TOPORS: variants seen among roughly 807,000 people sequenced by gnomAD.
The protein encoded by TOPORS is TOP1 binding arginine/serine rich protein, E3 ubiquitin ligase, also known as E3 ubiquitin-protein ligase Topors.
TOPORS carries 25 observed loss-of-function variants against 81.4 expected under a neutral mutation model. That is an observed-to-expected ratio of 0.31 (90% CI 0.22 to 0.43). TOPORS has a LOEUF of 0.43. Among genes scored for constraint, TOPORS ranks in the 20% least tolerant of loss-of-function variants. The pLI is 1.00. For missense variants in TOPORS, 1,101 were observed against 1,267.0 expected, an observed-to-expected ratio of 0.87 and a Z score of 1.99; for synonymous variants, 473 against 456.6, an observed-to-expected ratio of 1.04 and a Z score of -0.46.
Position 32,541,752 on chromosome 9 carries a change from C to T in TOPORS, c.2773G>A (p.Glu925Lys). 4.3e-6 allele frequency: 7 copies of T among 1,614,220 alleles called. No homozygotes were observed. The highest frequency in any genetic ancestry group is 5.9e-6 in the Non-Finnish European group (7 of 1,180,040). The change falls in exon 3 of 3, where the codon GAA (glutamate) becomes AAA (lysine). Residue 925 changes from glutamate (E) to lysine (K), a missense_variant. Glu to Lys is a moderately conservative substitution (Grantham distance 56). Transcript: ENST00000360538. ...TCTTGAGGACCACTATTGTCACATT[C>T]TGTATCCTCCTTTACTTCAGAATCC... Reference protein sequence around the residue: ...DKDSEVKEDTECDNSGPQDPL... With the variant: ...DKDSEVKEDTKCDNSGPQDPL...
chr9:32,550,898 G>A lies in TOPORS; in HGVS notation c.74C>T (p.Ser25Leu), dbSNP rs61758066. 9.9e-5 allele frequency: 159 copies of A among 1,612,856 alleles called. No individual in the cohort carries two copies. Among genetic ancestry groups the A allele is most frequent in the Middle Eastern group, 4.9e-4 (3 of 6,084 alleles). The change falls in exon 2 of 3, where the codon TCG becomes TTG. Residue 25 changes from serine (S) to leucine (L), a missense_variant. Around this residue, in one of 9 missense-constraint regions of TOPORS, gnomAD observed 131 missense variants for 101.0 expected, o/e 1.30. Coordinates refer to ENST00000360538, the MANE Select transcript of TOPORS (RefSeq NM_005802.5). ...EGEAPPPAPASEGRRRSRRVR... is the reference protein window; with the variant it reads ...EGEAPPPAPALEGRRRSRRVR... ...CCGGCGACTTCTCCGCCTACCCTCC[G>A]AAGCGGGAGCAGGCGGGGGCGCTTC...
intron 2 of TOPORS, among the ~76,000 whole-genome samples, chr9:32,550,260 A>G (rs1408507102): frequency 7.9e-5 from 12 of 152,180 alleles, no homozygotes; most frequent in Admixed American, 7.9e-4. Context: ...GTCACGGGCA[A>G]TTTCTGCTCA....
chr9:32,551,440 TAA>T, intron 1 of TOPORS: 1 of 302,512 alleles, frequency 3.3e-6, no homozygotes, highest in Non-Finnish European at 6.6e-6. Context: ...CAGTATCCTA[TAA>T]AGTCTTCAGA....
chr9:32,551,164 A>G, intron 1 of TOPORS, 196 bp from the exon 2 acceptor site: 1 of 670,834 alleles, frequency 1.5e-6, no homozygotes, highest in African/African-American at 1.8e-5. Flanking sequence ...CAGACCCCGG[A>G]GGAGGGCAGC....
intron 2 of TOPORS, among the ~76,000 whole-genome samples, chr9:32,544,880 T>C (rs185640728): frequency 6.6e-6 from 1 of 152,358 alleles, no homozygotes; most frequent in African/African-American, 2.4e-5. Context: ...TTTCTATGCA[T>C]GGCTTTATAC....
At position 32,542,800 on chromosome 9, in the gene TOPORS, G is replaced by A. The variant is rs757674137; in HGVS notation, c.1725C>T (p.Asn575=). The A allele has an allele frequency of 2.9e-5, 47 of 1,613,902 alleles. No individual in the cohort carries two copies. Among genetic ancestry groups the A allele is most frequent in the Middle Eastern group, 1.6e-4 (1 of 6,084 alleles). ...ATACTCTGTCTCCTCTTACAGATGA[G>A]TTCAGGTTTCTGGGAGATGACAATG... ...STSLSSPRNL[N]SSVRGDRVYS... Residue 575 remains asparagine (N), a synonymous_variant, in exon 3 of 3, where the codon AAC becomes AAT. Transcript: ENST00000360538.
At position 32,543,550 on chromosome 9, in the gene TOPORS, A is replaced by G. The variant is rs770320329; in HGVS notation, c.975T>C (p.Asn325=). The G allele has an allele frequency of 2.9e-5, 46 of 1,613,858 alleles. No homozygotes were observed. Among genetic ancestry groups the G allele is most frequent in the Non-Finnish European group, 3.7e-5 (44 of 1,179,996 alleles). Reference sequence around the variant, plus strand: ...GACTCTCCAAGTCATAGCGAGTAACATTACTCATGATAATATGCTGGACAA... The same window carrying G: ...GACTCTCCAAGTCATAGCGAGTAACGTTACTCATGATAATATGCTGGACAA... ...VNIVQHIIMS[N]VTRYDLESQA... is the part of the protein sequence containing the mutation. The change falls in exon 3 of 3, where the codon AAT becomes AAC. Residue 325 remains asparagine (N), a synonymous_variant. Transcript: ENST00000360538. This position sits in a 1 kb window ranked among gnomAD's most constrained non-coding sequence, Gnocchi z 5.6.
chr9:32,542,732 C>G lies in TOPORS; in HGVS notation c.1793G>C (p.Arg598Thr), dbSNP rs749210641. ...NHRHRKRGRS[R>T]SSDSRSQSRS... is the part of the protein sequence containing the mutation. ...ACTCTGAGAACGTGAATCTGAACTT[C>G]TTGATCTTCCCCTCTTTCTGTGTCT... Residue 598 changes from arginine to threonine, a missense_variant, in exon 3 of 3, where the codon AGA (arginine) becomes ACA (threonine). Coordinates refer to ENST00000360538, the MANE Select transcript of TOPORS (RefSeq NM_005802.5). 3.1e-6 allele frequency: 5 copies of G among 1,614,040 alleles called. No individual in the cohort carries two copies. The South Asian group carries it at 4.4e-5, about 14-fold the overall frequency.
intron 1 of TOPORS, chr9:32,551,620 T>C (rs140802154): frequency 7.4e-6 from 2 of 268,886 alleles, no homozygotes; most frequent in African/African-American, 4.4e-5. Context: ...GTCTAGAGCC[T>C]AAGCGGCCCG....
At chr9:32,545,330 A>T (rs188420850) in intron 2 of TOPORS, among the ~76,000 whole-genome samples, 1 of 151,918 alleles carries the variant, frequency 6.6e-6, no homozygotes, top group Admixed American at 6.6e-5. Context: ...CATAAGGATG[A>T]CTAGAATATT....
Position 32,541,305 on chromosome 9 carries a change from C to G in TOPORS, c.*82G>C, listed in dbSNP as rs1053126882. ...GAAGAGAGTTTTCACCAAATGTCAT[C>G]TTTAAATAGACTGCAGTAGACGACA... On this transcript the variant is annotated 3_prime_UTR_variant, in exon 3 of 3. Transcript: ENST00000360538. 1 of 1,383,882 alleles carries G rather than the reference C, an allele frequency of 7.2e-7. No homozygotes were observed. The highest frequency in any genetic ancestry group is 1.4e-5 in the African/African-American group (1 of 69,858). The allele number at this position is 1,383,882 out of a possible 1,614,324, so 85.7% of individuals were successfully genotyped here. A position where few individuals can be genotyped will look rare whatever the true frequency, so the allele number is the denominator to read the frequency against.
chr9:32,552,494 T>C lies in TOPORS; in HGVS notation c.-58A>G. The C allele has an allele frequency of 6.3e-7, 1 of 1,578,768 alleles. No individual in the cohort carries two copies. The highest frequency in any genetic ancestry group is 1.3e-5 in the African/African-American group (1 of 74,400). On this transcript the variant is annotated 5_prime_UTR_variant, in exon 1 of 3. Coordinates refer to ENST00000360538, the MANE Select transcript of TOPORS (RefSeq NM_005802.5). ...TTTATTCAGTGGTAAGTCCCGGGGA[T>C]CGCGGGCCCCCACCGTGTCGACTCA...
intron 2 of TOPORS, 23 bp downstream of exon 2, chr9:32,550,751 C>A (rs767757290): frequency 6.2e-7 from 1 of 1,612,514 alleles, no homozygotes; most frequent in East Asian, 2.2e-5. Flanking sequence ...CCCCCGCGTC[C>A]CATTGTTCCG....
At chr9:32,547,213 A>G (rs1217095675) in intron 2 of TOPORS, among the ~76,000 whole-genome samples, 1 of 151,044 alleles carries the variant, frequency 6.6e-6, no homozygotes, top group Non-Finnish European at 1.5e-5. Context: ...TTTAAAAAAG[A>G]AAAAGAAACA....
rs1821227812 is a variant in TOPORS at position 32,550,795 on chromosome 9, C to T, written c.177G>A (p.Arg59=). 6.2e-7 allele frequency: 1 copy of T among 1,612,844 alleles called. No individual in the cohort carries two copies. The highest frequency in any genetic ancestry group is 8.5e-7 in the Non-Finnish European group (1 of 1,179,688). Residue 59 remains arginine, a synonymous_variant, in exon 2 of 3, where the codon AGG becomes AGA. Transcript: ENST00000360538. ...CRELAASAPA[R]PAPASSEIMA... ...TCACCTCGGAGGATGCCGGCGCAGG[C>T]CTGGCTGGGGCGCTCGCCGCGAGCT...
rs908584066 is a variant in TOPORS, at chr9:32,551,661, G to C, written c.4-693C>G. ...AGATTCTACTCCTCAGGCCTCAAAT[G>C]TGAGCGCCCCAAACATTCTAGAGCT... On this transcript the variant is annotated intron_variant, in intron 1 of 2. Coordinates refer to ENST00000360538, the MANE Select transcript of TOPORS (RefSeq NM_005802.5). The C allele has an allele frequency of 3.6e-5, 10 of 279,664 alleles. No individual in the cohort carries two copies. The Admixed American group carries it at 3.6e-4, about 10-fold the overall frequency. 17.3% of individuals were successfully genotyped at this position (279,664 alleles called of 1,614,324 possible).
Position 32,542,330 on chromosome 9 carries a change from C to T in TOPORS, c.2195G>A (p.Arg732Lys). The change falls in exon 3 of 3, where the codon AGA becomes AAA. Residue 732 changes from arginine to lysine, a missense_variant. Arg to Lys is a conservative substitution (Grantham distance 26). Transcript: ENST00000360538. ...RRTLSRAHYS[R>K]QSSSPEFRVQ... ...TCTAAATTCTGGACTTGAAGACTGT[C>T]TAGAATAATGAGCTCTGGACAGAGT... 1 of 1,614,150 alleles carries T rather than the reference C, an allele frequency of 6.2e-7. No homozygotes were observed. Among genetic ancestry groups the T allele is most frequent in the Non-Finnish European group, 8.5e-7 (1 of 1,180,026 alleles).
Position 32,541,956 on chromosome 9 carries a change from T to A in TOPORS, c.2569A>T (p.Arg857Trp), listed in dbSNP as rs376037933. 2.5e-6 allele frequency: 4 copies of A among 1,613,212 alleles called. No homozygotes were observed. Among genetic ancestry groups the A allele is most frequent in the Non-Finnish European group, 3.4e-6 (4 of 1,179,874 alleles). The stretch of plus-strand genomic sequence containing the variant: ...AGGCTCCGGGTCTTCCTTTTTCTCC[T>A]TTTGTGTTTTGTCTCTCTGTCTGAT... ...RSSDRETKHKRRKRKTRSLSV... is the reference protein window; with the variant it reads ...RSSDRETKHKWRKRKTRSLSV... Residue 857 changes from arginine (R) to tryptophan (W), a missense_variant, in exon 3 of 3, where the codon AGG (arginine) becomes TGG (tryptophan). Transcript: ENST00000360538.
chr9:32,543,902 T>A lies in TOPORS; in HGVS notation c.623A>T (p.Asp208Val). Residue 208 changes from aspartate (D) to valine (V), a missense_variant, in exon 3 of 3, where the codon GAT becomes GTT. This residue lies in a region of TOPORS where 120 missense variants were observed against 115.4 expected (regional missense o/e 1.04). Transcript: ENST00000360538. This position sits in a 1 kb window ranked among gnomAD's most constrained non-coding sequence, Gnocchi z 5.6. ...PVNRRTTTPP[D>V]SGVLFEGLGI... The stretch of plus-strand genomic sequence containing the variant: ...TAACCCTTCAAACAGTACTCCACTA[T>A]CCGGTGGAGTTGTTGTTCTTCTGTT... The A allele has an allele frequency of 6.2e-7, 1 of 1,614,056 alleles. No homozygotes were observed. Among genetic ancestry groups the A allele is most frequent in the Non-Finnish European group, 8.5e-7 (1 of 1,179,882 alleles).
Sources: allele counts gnomAD v4.1 joint callset (sites outside exome capture counted in the v4.1 genomes callset), GRCh38; gene constraint gnomAD v4.1.1; regional missense constraint gnomAD v4.1.1; non-coding constraint Gnocchi (gnomAD v3.1); transcripts MANE v1.5; gene names NCBI Gene and HGNC (gene_info 2026-07-23, HGNC 2026-07-21).